Variants in PIK3AP1 observed in about 807,000 individuals in gnomAD.
PIK3AP1 encodes the protein phosphoinositide 3-kinase adapter protein 1.
Under a neutral mutation model 88.1 loss-of-function variants are expected in PIK3AP1, and 21 were observed. The observed-to-expected ratio is 0.24, with a 90% confidence interval of 0.17 to 0.34. The LOEUF is 0.34. Among genes scored for constraint, PIK3AP1 ranks in the 10% least tolerant of loss-of-function variants. PIK3AP1 has a pLI of 1.00. For synonymous variants in PIK3AP1, 398 were observed against 400.0 expected (o/e 1.00, Z 0.06); for missense variants, 828 against 1,035.7 (o/e 0.80, Z 2.75).
rs1167672379 is a variant in PIK3AP1, at chr10:96,594,716, C to A, written c.*861G>T. ...TGGTTTCCAGCCACTTCTAGATGTT[C>A]TCTGGAAACATAACTGCGTTGAAAC... On this transcript the variant is annotated 3_prime_UTR_variant, in exon 17 of 17. Transcript: ENST00000339364. The surrounding 1 kb of genome is among the most constrained non-coding windows in gnomAD (Gnocchi z 4.6). 2 of 152,188 alleles carry A rather than the reference C, an allele frequency of 1.3e-5. No individual in the cohort carries two copies. Among genetic ancestry groups the A allele is most frequent in the African/African-American group, 4.8e-5 (2 of 41,432 alleles). 9.4% of individuals were successfully genotyped at this position (152,188 alleles called of 1,614,324 possible).
intron 2 of PIK3AP1, among the ~76,000 whole-genome samples, chr10:96,695,587 C>T (rs1457884486): frequency 6.6e-6 from 1 of 152,098 alleles, no homozygotes; most frequent in Non-Finnish European, 1.5e-5. Context: ...TAAATAAGAA[C>T]CTAAGATGGT....
rs1428360206 is a variant in PIK3AP1 at position 96,709,970 on chromosome 10, T to C, written c.27A>G (p.Gly9=). Residue 9 remains glycine, a synonymous_variant, in exon 2 of 17, where the codon GGA becomes GGG. Coordinates refer to ENST00000339364, the MANE Select transcript of PIK3AP1 (RefSeq NM_152309.3). ...GGCTGTAGACGATGAGGATGTCGCATCCTCTGGGCACCCCTGGACAAGAAT... is the reference window on the plus strand; with the variant it reads ...GGCTGTAGACGATGAGGATGTCGCACCCTCTGGGCACCCCTGGACAAGAAT... MAASGVPR[G]CDILIVYSPD... is the part of the protein sequence containing the mutation. 1 of 1,587,918 alleles carries C rather than the reference T, an allele frequency of 6.3e-7. No homozygotes were observed. The highest frequency in any genetic ancestry group is 1.3e-5 in the African/African-American group (1 of 74,518).
chr10:96,614,825 C>A (rs1039635899), intron 13 of PIK3AP1, among the ~76,000 whole-genome samples: 1 of 152,226 alleles, frequency 6.6e-6, no homozygotes, highest in African/African-American at 2.4e-5. Context: ...AACTCCATCA[C>A]TGTACTGTTC....
chr10:96,717,577 A>C (rs1035891309), intron 1 of PIK3AP1, among the ~76,000 whole-genome samples: 7 of 152,226 alleles, frequency 4.6e-5, no homozygotes, highest in Admixed American at 4.6e-4. Flanking sequence ...AAAAAGGTTA[A>C]AAGTCCCTTC....
intron 2 of PIK3AP1, among the ~76,000 whole-genome samples, chr10:96,673,695 T>TCGGACA (rs1843878949): frequency 6.6e-6 from 1 of 152,172 alleles, no homozygotes; most frequent in African/African-American, 2.4e-5. Context: ...ATGTCTGGAT[T>TCGGACA]TACTGGTGTG....
At chr10:96,600,558 T>C (rs1848870252) in intron 16 of PIK3AP1, among the ~76,000 whole-genome samples, 1 of 152,210 alleles carries the variant, frequency 6.6e-6, no homozygotes. Context: ...GCCTGGGCGA[T>C]GTTTGAGTAG....
chr10:96,620,801 A>C, intron 11 of PIK3AP1: 4 of 463,184 alleles, frequency 8.6e-6, no homozygotes, highest in Non-Finnish European at 3.9e-6. Context: ...AAATCTGCTG[A>C]CTCTCCCAAG....
intron 16 of PIK3AP1, among the ~76,000 whole-genome samples, chr10:96,599,763 T>C (rs1848852235): frequency 6.6e-6 from 1 of 152,204 alleles, no homozygotes; most frequent in South Asian, 2.1e-4. Context: ...ACACCAAAAA[T>C]GCACCCAAAC....
intron 2 of PIK3AP1, among the ~76,000 whole-genome samples, chr10:96,666,858 G>A (rs1350349070): frequency 6.6e-6 from 1 of 151,980 alleles, no homozygotes; most frequent in Non-Finnish European, 1.5e-5. Flanking sequence ...CGGAGCAGAG[G>A]TAGGAATCCA....
chr10:96,629,481 G>A (rs2134210449), intron 8 of PIK3AP1, among the ~76,000 whole-genome samples: 1 of 152,026 alleles, frequency 6.6e-6, no homozygotes, highest in South Asian at 2.1e-4. Context: ...TGATGAATCT[G>A]AAGATTCAGA....
chr10:96,662,376 T>C (rs1001147979), intron 2 of PIK3AP1, among the ~76,000 whole-genome samples: 1 of 150,416 alleles, frequency 6.6e-6, no homozygotes, highest in Non-Finnish European at 1.5e-5. Context: ...CCAAGGCGGG[T>C]GGATCACCTG....
At position 96,593,838 on chromosome 10, in the gene PIK3AP1, A is replaced by T. The variant is rs913373970; in HGVS notation, c.*1739T>A. On this transcript the variant is annotated 3_prime_UTR_variant, in exon 17 of 17. Coordinates refer to ENST00000339364, the MANE Select transcript of PIK3AP1 (RefSeq NM_152309.3). ...CCCAAGATTCCAGAAGCTGTTTCTG[A>T]CAAGAAGTCCTTGTTTCAGTACTCT... 7 of 152,256 alleles carry T rather than the reference A, an allele frequency of 4.6e-5. No individual in the cohort carries two copies. Among genetic ancestry groups the T allele is most frequent in the Non-Finnish European group, 8.8e-5 (6 of 68,040 alleles). 9.4% of individuals were successfully genotyped at this position (152,256 alleles called of 1,614,324 possible). A position where few individuals can be genotyped will look rare whatever the true frequency, so the allele number is the denominator to read the frequency against.
intron 13 of PIK3AP1, among the ~76,000 whole-genome samples, chr10:96,611,446 T>TC (rs1156393815): frequency 6.6e-6 from 1 of 152,132 alleles, no homozygotes; most frequent in Non-Finnish European, 1.5e-5. Flanking sequence ...TTTTTTTTTT[T>TC]CTTCCTGCTC....
intron 12 of PIK3AP1, chr10:96,619,617 A>G (rs1843049615): frequency 6.6e-6 from 1 of 152,200 alleles, no homozygotes; most frequent in Non-Finnish European, 1.5e-5. Context: ...GAGCTTCCTA[A>G]GGTTAAGTTT....
chr10:96,681,994 GTATATA>G (rs201677363), intron 2 of PIK3AP1, among the ~76,000 whole-genome samples: 7,395 of 147,126 alleles, frequency 0.05, 338 homozygotes, highest in Admixed American at 0.15. Flanking sequence ...ATATGTGTGT[GTATATA>G]TATATATATA....
At chr10:96,692,592 G>A (rs980914069) in intron 2 of PIK3AP1, among the ~76,000 whole-genome samples, 2 of 150,738 alleles carry the variant, frequency 1.3e-5, no homozygotes, top group African/African-American at 2.4e-5. Flanking sequence ...AAGAAAGAAA[G>A]AAAGAAAAGA....
chr10:96,703,747 T>A (rs939654070), intron 2 of PIK3AP1, among the ~76,000 whole-genome samples: 1 of 152,196 alleles, frequency 6.6e-6, no homozygotes, highest in Admixed American at 6.5e-5. Flanking sequence ...CTGCAAACGT[T>A]TTGGAACTAA....
rs183043113 is a variant in PIK3AP1 at position 96,671,730 on chromosome 10, T to G, written c.431-14796A>C. ...GATAAGGCAGAGTCCTACAGATACT[T>G]TCCTAATTCAGACTTTAAATACAGT... On this transcript the variant is annotated intron_variant, in intron 2 of 16. Transcript: ENST00000339364. Among the ~76,000 whole-genome samples, 32 of 152,188 alleles carry G rather than the reference T, an allele frequency of 2.1e-4. 1 individual carries two copies. The highest frequency in any genetic ancestry group is 8.5e-4 in the Admixed American group (13 of 15,288).
intron 3 of PIK3AP1, among the ~76,000 whole-genome samples, chr10:96,656,234 C>G (rs531424634): frequency 6.6e-6 from 1 of 152,338 alleles, no homozygotes; most frequent in Non-Finnish European, 1.5e-5. Flanking sequence ...GGCAGTGGCT[C>G]ATCAGTTGGG....
Sources: gnomAD v4.1 joint callset for allele counts (sites outside exome capture counted in the v4.1 genomes callset) on GRCh38, gnomAD v4.1.1 for gene constraint, Gnocchi (gnomAD v3.1) non-coding constraint, MANE v1.5 for transcripts, NCBI Gene and HGNC (gene_info 2026-07-23, HGNC 2026-07-21) for gene names.